FAM237B: variants seen among roughly 807,000 people sequenced by gnomAD.
FAM237B encodes the protein protein FAM237B.
Position 90,318,565 on chromosome 7 carries a change from A to G in FAM237B, c.*764T>C, listed in dbSNP as rs1405624731. 1 of 152,092 alleles carries G rather than the reference A, an allele frequency of 6.6e-6. No homozygotes were observed. The highest frequency in any genetic ancestry group is 6.5e-5 in the Admixed American group (1 of 15,274). 9.4% of individuals were successfully genotyped at this position (152,092 alleles called of 1,614,324 possible). On this transcript the variant is annotated 3_prime_UTR_variant, in exon 3 of 3. Transcript: ENST00000692316. ...AGTTTAATAGTCAATATTAATATAT[A>G]AGATACCTTATAAAATTGGTTACAA...
Position 90,318,773 on chromosome 7 carries a change from T to G in FAM237B, c.*556A>C, listed in dbSNP as rs1795048461. 1 of 152,104 alleles carries G rather than the reference T, an allele frequency of 6.6e-6. No individual in the cohort carries two copies. The highest frequency in any genetic ancestry group is 1.5e-5 in the Non-Finnish European group (1 of 67,968). 9.4% of individuals were successfully genotyped at this position (152,104 alleles called of 1,614,324 possible). ...TACAACAAAAAACAACGTTTATCAG[T>G]ATTAAATAATTTGTATAACTATGAC... On this transcript the variant is annotated 3_prime_UTR_variant, in exon 3 of 3. Coordinates refer to ENST00000692316, the MANE Select transcript of FAM237B (RefSeq NM_001384237.2).
At position 90,316,898 on chromosome 7, in the gene FAM237B, A is replaced by C. The variant is rs1193532508; in HGVS notation, c.*2431T>G. ...TCATGACAACTATGAGTGATTGAGG[A>C]CAACTGGTTGAACAATTTTTTAGAC... is the stretch of plus-strand genomic sequence containing the variant. On this transcript the variant is annotated 3_prime_UTR_variant, in exon 3 of 3. Transcript: ENST00000692316. The C allele has an allele frequency of 2.0e-5, 3 of 152,220 alleles. No homozygotes were observed. Among genetic ancestry groups the C allele is most frequent in the Non-Finnish European group, 4.4e-5 (3 of 68,016 alleles). 9.4% of individuals were successfully genotyped at this position (152,220 alleles called of 1,614,324 possible). A position where few individuals can be genotyped will look rare whatever the true frequency, so the allele number is the denominator to read the frequency against.
rs7457455 is a variant in FAM237B at position 90,319,904 on chromosome 7, C to T, written c.-3-153G>A. On this transcript the variant is annotated intron_variant, in intron 2 of 2. Transcript: ENST00000692316. ...ATTTTTTCTAAATTACTGATTATCA[C>T]ATCTTCCTTTAGGATATTACAGTTC... Among the ~76,000 whole-genome samples, 1,241 of 152,318 alleles carry T rather than the reference C, an allele frequency of 8.1e-3. 16 individuals are homozygous for T. The highest frequency in any genetic ancestry group is 0.029 in the African/African-American group (1,188 of 41,572).
In FAM237B at chr7:90,319,331, A is replaced by G. The variant is rs1391682772; in HGVS notation, c.418T>C (p.Ter140GlnextTer6). ...GACTTTTAAAGAAAAGTAAACTGCT[A>G]TTCTCTTAAATACACATTTAAATTA... ...GGNLNVYLRE[*>Q] Residue 140 changes from the stop codon to glutamine (Q), a stop_lost, in exon 3 of 3, where the codon TAG (stop) becomes CAG (glutamine). Coordinates refer to ENST00000692316, the MANE Select transcript of FAM237B (RefSeq NM_001384237.2). 1.3e-5 allele frequency: 5 copies of G among 398,450 alleles called. 1 individual carries two copies. Among genetic ancestry groups the G allele is most frequent in the Non-Finnish European group, 2.2e-5 (5 of 226,012 alleles). The allele number at this position is 398,450 out of a possible 1,614,324, so 24.7% of individuals were successfully genotyped here. A position where few individuals can be genotyped will look rare whatever the true frequency, so the allele number is the denominator to read the frequency against.
chr7:90,319,732 C>T lies in FAM237B; in HGVS notation c.17G>A (p.Arg6Lys). ...GCCCAAATGTAGATAGAACCATCTT[C>T]TTGTAGCAAAACACATATTCTATAC... MCFATRRWFYLHLGCM... is the reference protein window; with the variant it reads MCFATKRWFYLHLGCM... The change falls in exon 3 of 3, where the codon AGA becomes AAA. Residue 6 changes from arginine (R) to lysine (K), a missense_variant. Arg to Lys is a conservative substitution (Grantham distance 26, BLOSUM62 2). Coordinates refer to ENST00000692316, the MANE Select transcript of FAM237B (RefSeq NM_001384237.2). 1 of 398,410 alleles carries T rather than the reference C, an allele frequency of 2.5e-6. No homozygotes were observed. The highest frequency in any genetic ancestry group is 4.4e-6 in the Non-Finnish European group (1 of 226,040). 24.7% of individuals were successfully genotyped at this position (398,410 alleles called of 1,614,324 possible).
intron 2 of FAM237B, chr7:90,320,332 T>A (rs1795213212): frequency 6.6e-6 from 1 of 152,242 alleles, no homozygotes; most frequent in Non-Finnish European, 1.5e-5. Flanking sequence ...TAATATCCGG[T>A]GTATTCTTGG....
At chr7:90,319,870 T>C in intron 2 of FAM237B, 119 bp from the exon 3 acceptor site, 1 of 397,252 alleles carries the variant, frequency 2.5e-6, no homozygotes. Flanking sequence ...ATCTGCTTAC[T>C]AGGTATTCAT....
At position 90,319,002 on chromosome 7, in the gene FAM237B, C is replaced by T. The variant is rs1290819542; in HGVS notation, c.*327G>A. Reference sequence around the variant, plus strand: ...ACAACCCTATTGAAAAAATTAATTTCAAAAGCCTAAATACATGTCTGATGT... The same window carrying T: ...ACAACCCTATTGAAAAAATTAATTTTAAAAGCCTAAATACATGTCTGATGT... On this transcript the variant is annotated 3_prime_UTR_variant, in exon 3 of 3. Coordinates refer to ENST00000692316, the MANE Select transcript of FAM237B (RefSeq NM_001384237.2). 1 of 167,650 alleles carries T rather than the reference C, an allele frequency of 6.0e-6. No individual in the cohort carries two copies. The highest frequency in any genetic ancestry group is 6.4e-5 in the Admixed American group (1 of 15,736). 10.4% of individuals were successfully genotyped at this position (167,650 alleles called of 1,614,324 possible).
At position 90,319,081 on chromosome 7, in the gene FAM237B, C is replaced by A. The variant is rs1029847887; in HGVS notation, c.*248G>T. On this transcript the variant is annotated 3_prime_UTR_variant, in exon 3 of 3. Coordinates refer to ENST00000692316, the MANE Select transcript of FAM237B (RefSeq NM_001384237.2). ...AATAATTACAGGGTTAAATGGCTTTCTTATGAACTATTCATGGGCAAACAA... is the reference window on the plus strand; with the variant it reads ...AATAATTACAGGGTTAAATGGCTTTATTATGAACTATTCATGGGCAAACAA... 3.5e-6 allele frequency: 1 copy of A among 288,358 alleles called. No homozygotes were observed. The highest frequency in any genetic ancestry group is 6.3e-6 in the Non-Finnish European group (1 of 157,696). The allele number at this position is 288,358 out of a possible 1,614,324, so 17.9% of individuals were successfully genotyped here.
At position 90,318,661 on chromosome 7, in the gene FAM237B, CAA is replaced by C. The variant is rs1330132865; in HGVS notation, c.*666_*667del. ...CTTTTAACTGATGTTTTCTTTAAAA[CAA>C]AGACACTTTAAAAAGACACCTTCTA... On this transcript the variant is annotated 3_prime_UTR_variant, in exon 3 of 3. Transcript: ENST00000692316. The C allele has an allele frequency of 1.3e-5, 2 of 151,804 alleles. No individual in the cohort carries two copies. Among genetic ancestry groups the C allele is most frequent in the East Asian group, 3.9e-4 (2 of 5,176 alleles). The allele number at this position is 151,804 out of a possible 1,614,324, so 9.4% of individuals were successfully genotyped here.
rs1164822313 is a variant in FAM237B at position 90,318,329 on chromosome 7, T to C, written c.*1000A>G. Reference sequence around the variant, plus strand: ...ACAAAAATTCTATCAAATTGTACTTTACTGAAATGAAGTTTCTGTCTTTGT... The same window carrying C: ...ACAAAAATTCTATCAAATTGTACTTCACTGAAATGAAGTTTCTGTCTTTGT... On this transcript the variant is annotated 3_prime_UTR_variant, in exon 3 of 3. Coordinates refer to ENST00000692316, the MANE Select transcript of FAM237B (RefSeq NM_001384237.2). The C allele has an allele frequency of 1.1e-5, 1 of 91,466 alleles. No individual in the cohort carries two copies. Among genetic ancestry groups the C allele is most frequent in the Non-Finnish European group, 2.1e-5 (1 of 48,012 alleles). The allele number at this position is 91,466 out of a possible 1,614,324, so 5.7% of individuals were successfully genotyped here. A position where few individuals can be genotyped will look rare whatever the true frequency, so the allele number is the denominator to read the frequency against.
Position 90,319,290 on chromosome 7 carries a change from A to C in FAM237B, c.*39T>G, listed in dbSNP as rs1795095678. The C allele has an allele frequency of 2.5e-6, 1 of 398,332 alleles. No individual in the cohort carries two copies. The highest frequency in any genetic ancestry group is 1.3e-4 in the South Asian group (1 of 7,816). 24.7% of individuals were successfully genotyped at this position (398,332 alleles called of 1,614,324 possible). A position where few individuals can be genotyped will look rare whatever the true frequency, so the allele number is the denominator to read the frequency against. On this transcript the variant is annotated 3_prime_UTR_variant, in exon 3 of 3. Transcript: ENST00000692316. ...CTTGTTGGATAACTTGAAAAAAATC[A>C]GAAGAATTAAATAGTGACTTTTAAA...
rs1031997689 is a variant in FAM237B at position 90,318,179 on chromosome 7, A to G, written c.*1150T>C. 3 of 152,152 alleles carry G rather than the reference A, an allele frequency of 2.0e-5. No individual in the cohort carries two copies. Among genetic ancestry groups the G allele is most frequent in the African/African-American group, 4.8e-5 (2 of 41,450 alleles). The allele number at this position is 152,152 out of a possible 1,614,324, so 9.4% of individuals were successfully genotyped here. On this transcript the variant is annotated 3_prime_UTR_variant, in exon 3 of 3. Transcript: ENST00000692316. ...ATTACTTCCCTGTCTTCATGTCCCA[A>G]TGTTCCAATTTCCTCCACTACTTCA... is the stretch of plus-strand genomic sequence containing the variant.
chr7:90,319,715 G>A lies in FAM237B; in HGVS notation c.34C>T (p.His12Tyr), dbSNP rs974021400. The change falls in exon 3 of 3, where the codon CAT becomes TAT. Residue 12 changes from histidine to tyrosine, a missense_variant. Coordinates refer to ENST00000692316, the MANE Select transcript of FAM237B (RefSeq NM_001384237.2). ...TTGATCAGCATCATGCAGCCCAAAT[G>A]TAGATAGAACCATCTTCTTGTAGCA... ...CFATRRWFYL[H>Y]LGCMMLINLV... 5 of 398,366 alleles carry A rather than the reference G, an allele frequency of 1.3e-5. No homozygotes were observed. Among genetic ancestry groups the A allele is most frequent in the Non-Finnish European group, 1.8e-5 (4 of 226,048 alleles). The allele number at this position is 398,366 out of a possible 1,614,324, so 24.7% of individuals were successfully genotyped here.
In FAM237B at chr7:90,319,558, A is replaced by G. The variant is rs1473746480; in HGVS notation, c.191T>C (p.Ile64Thr). 5.0e-6 allele frequency: 2 copies of G among 398,496 alleles called. No homozygotes were observed. Among genetic ancestry groups the G allele is most frequent in the African/African-American group, 4.1e-5 (2 of 48,624 alleles). The allele number at this position is 398,496 out of a possible 1,614,324, so 24.7% of individuals were successfully genotyped here. A position where few individuals can be genotyped will look rare whatever the true frequency, so the allele number is the denominator to read the frequency against. Reference sequence around the variant, plus strand: ...CCAAAAAGCATCCACATTGTGCTCTATCTTGAGTTCCTTGAGATCTATCAA... The same window carrying G: ...CCAAAAAGCATCCACATTGTGCTCTGTCTTGAGTTCCTTGAGATCTATCAA... ...LTLIDLKELK[I>T]EHNVDAFWNF... Residue 64 changes from isoleucine to threonine, a missense_variant, in exon 3 of 3, where the codon ATA becomes ACA. By Grantham distance (89) the Ile-to-Thr change is moderately conservative. Transcript: ENST00000692316.
intron 2 of FAM237B, 185 bp downstream of exon 2, chr7:90,320,496 C>T (rs1292395931): frequency 6.6e-6 from 1 of 152,182 alleles, no homozygotes; most frequent in African/African-American, 2.4e-5. Flanking sequence ...TTGCATGCCT[C>T]CTTGCCAACT....
chr7:90,319,677 A>G lies in FAM237B; in HGVS notation c.72T>C (p.Ala24=). 2 of 398,614 alleles carry G rather than the reference A, an allele frequency of 5.0e-6. No homozygotes were observed. Among genetic ancestry groups the G allele is most frequent in the Non-Finnish European group, 8.8e-6 (2 of 226,044 alleles). The allele number at this position is 398,614 out of a possible 1,614,324, so 24.7% of individuals were successfully genotyped here. Residue 24 remains alanine (A), a synonymous_variant, in exon 3 of 3, where the codon GCT becomes GCC. Coordinates refer to ENST00000692316, the MANE Select transcript of FAM237B (RefSeq NM_001384237.2). ...GCACTCCTTTTTGAAACTCAAAGTC[A>G]GCATTAACCAGATTGATCAGCATCA... ...GCMMLINLVN[A]DFEFQKGVLA... is the part of the protein sequence containing the mutation.
rs1794942731 is a variant in FAM237B at position 90,317,793 on chromosome 7, G to A, written c.*1536C>T. On this transcript the variant is annotated 3_prime_UTR_variant, in exon 3 of 3. Coordinates refer to ENST00000692316, the MANE Select transcript of FAM237B (RefSeq NM_001384237.2). Reference sequence around the variant, plus strand: ...CATCAGGCAGTTCGTTACTTGTTCAGTATTATTTTAGCCGATTTTAAAACT... The same window carrying A: ...CATCAGGCAGTTCGTTACTTGTTCAATATTATTTTAGCCGATTTTAAAACT... 6.6e-6 allele frequency: 1 copy of A among 152,100 alleles called. No individual in the cohort carries two copies. Among genetic ancestry groups the A allele is most frequent in the African/African-American group, 2.4e-5 (1 of 41,442 alleles). The allele number at this position is 152,100 out of a possible 1,614,324, so 9.4% of individuals were successfully genotyped here. A position where few individuals can be genotyped will look rare whatever the true frequency, so the allele number is the denominator to read the frequency against.
rs926796155 is a variant in FAM237B, at chr7:90,318,083, C to T, written c.*1246G>A. On this transcript the variant is annotated 3_prime_UTR_variant, in exon 3 of 3. Coordinates refer to ENST00000692316, the MANE Select transcript of FAM237B (RefSeq NM_001384237.2). ...GGGAAACAGACCAAATTTATAGGCA[C>T]CCTTTATCAAAGGTATAGGCTTTTA... 6.6e-6 allele frequency: 1 copy of T among 152,134 alleles called. No homozygotes were observed. Among genetic ancestry groups the T allele is most frequent in the Non-Finnish European group, 1.5e-5 (1 of 68,000 alleles). The allele number at this position is 152,134 out of a possible 1,614,324, so 9.4% of individuals were successfully genotyped here. A position where few individuals can be genotyped will look rare whatever the true frequency, so the allele number is the denominator to read the frequency against.
Sources: allele counts gnomAD v4.1 joint callset (sites outside exome capture counted in the v4.1 genomes callset), GRCh38; gene constraint gnomAD v4.1.1; transcripts MANE v1.5; gene names NCBI Gene and HGNC (gene_info 2026-07-23, HGNC 2026-07-21).